The following SYK variants were observed in gnomAD, a reference collection of about 807,000 sequenced individuals.
SYK encodes tyrosine-protein kinase SYK.
A neutral mutation model predicts 77.8 loss-of-function variants in SYK; 16 were observed. The ratio of observed to expected loss-of-function variants is 0.21; its 90% CI spans 0.14 to 0.31. The LOEUF is 0.31. Among genes scored for constraint, SYK ranks in the 10% least tolerant of loss-of-function variants. SYK has a pLI of 1.00. For synonymous variants in SYK, 312 were observed against 308.7 expected, an observed-to-expected ratio of 1.01 and a Z score of -0.11; for missense variants, 529 against 814.4, an observed-to-expected ratio of 0.65 and a Z score of 4.26.
At chr9:90,822,331 C>T (rs1190233130) in intron 1 of SYK, among the ~76,000 whole-genome samples, 1 of 152,140 alleles carries the variant, frequency 6.6e-6, no homozygotes, top group African/African-American at 2.4e-5. Context: ...TGTGATGTGA[C>T]TGGCACTGTT....
chr9:90,840,313 C>T (rs531965892), intron 1 of SYK, among the ~76,000 whole-genome samples: 2 of 151,976 alleles, frequency 1.3e-5, no homozygotes, highest in South Asian at 2.1e-4. Flanking sequence ...CCCCAGGCCA[C>T]GTGGAAGTAT....
intron 13 of SYK, among the ~76,000 whole-genome samples, chr9:90,889,087 A>G (rs926797421): frequency 6.6e-6 from 1 of 152,184 alleles, no homozygotes; most frequent in African/African-American, 2.4e-5. Context: ...GCACTTCCCT[A>G]GAATCTACCT....
At chr9:90,825,119 C>CAA (rs148061358) in intron 1 of SYK, among the ~76,000 whole-genome samples, 2,245 of 93,308 alleles carry the variant, frequency 0.024, 61 homozygotes, top group African/African-American at 0.076. Context: ...ACCAAAAAGA[C>CAA]AAAAAAAAAA....
intron 1 of SYK, among the ~76,000 whole-genome samples, chr9:90,818,850 T>C (rs1056023037): frequency 1.3e-5 from 2 of 152,230 alleles, no homozygotes; most frequent in African/African-American, 4.8e-5. Context: ...TTAGGCTTCA[T>C]GGCCTTCTCT....
chr9:90,856,828 A>C (rs1827055837), intron 3 of SYK, among the ~76,000 whole-genome samples: 1 of 151,744 alleles, frequency 6.6e-6, no homozygotes, highest in African/African-American at 2.4e-5. Context: ...GATCTTTCTG[A>C]GCTTATGCCT....
chr9:90,856,836 C>A (rs1255590940), intron 3 of SYK, among the ~76,000 whole-genome samples: 1 of 152,148 alleles, frequency 6.6e-6, no homozygotes, highest in Non-Finnish European at 1.5e-5. Flanking sequence ...TGAGCTTATG[C>A]CTGATTGATA....
intron 1 of SYK, among the ~76,000 whole-genome samples, chr9:90,835,792 G>C (rs990554403): frequency 8.5e-5 from 13 of 152,148 alleles, no homozygotes; most frequent in Non-Finnish European, 1.3e-4. Flanking sequence ...GGCCCTGTTA[G>C]CCTCCATCTG....
chr9:90,814,296 C>T (rs1186313061), intron 1 of SYK, among the ~76,000 whole-genome samples: 1 of 152,190 alleles, frequency 6.6e-6, no homozygotes, highest in Non-Finnish European at 1.5e-5. Flanking sequence ...TCATGTTGGT[C>T]TCTGTCATCC....
intron 1 of SYK, among the ~76,000 whole-genome samples, chr9:90,803,518 T>C (rs978573892): frequency 1.3e-5 from 2 of 152,150 alleles, no homozygotes; most frequent in East Asian, 3.8e-4. Flanking sequence ...TCCTGAGAGA[T>C]GAAATTGGTA....
chr9:90,815,489 G>A (rs1433505210), intron 1 of SYK, among the ~76,000 whole-genome samples: 2 of 152,226 alleles, frequency 1.3e-5, no homozygotes, highest in Non-Finnish European at 2.9e-5. Context: ...AAGAGAAGTC[G>A]TTTTGAAGGG....
rs1564119930 is a variant in SYK at position 90,884,182 on chromosome 9, T to TATATACACGC, written c.1582-3559_1582-3558insGCATATACAC. On this transcript the variant is annotated intron_variant, in intron 11 of 13. Coordinates refer to ENST00000375754, the MANE Select transcript of SYK (RefSeq NM_003177.7). ...ATATACACACATACACATACGTGTA[T>TATATACACGC]ATATACACACATACACATACGTGTA... is the stretch of plus-strand genomic sequence containing the variant. Among the ~76,000 whole-genome samples the TATATACACGC allele has an allele frequency of 4.1e-5, 6 of 146,466 alleles. 1 individual carries two copies. The highest frequency in any genetic ancestry group is 7.9e-5 in the African/African-American group (3 of 38,214).
intron 13 of SYK, among the ~76,000 whole-genome samples, chr9:90,892,868 C>T (rs368144683): frequency 9.2e-5 from 14 of 152,196 alleles, no homozygotes; most frequent in African/African-American, 3.4e-4. Context: ...GCTCTAGATG[C>T]GGCTCAAATT....
chr9:90,821,878 A>G (rs1825530088), intron 1 of SYK, among the ~76,000 whole-genome samples: 1 of 152,126 alleles, frequency 6.6e-6, no homozygotes, highest in Admixed American at 6.5e-5. Flanking sequence ...CAGGGAAAAT[A>G]TGTGGGTTAG....
chr9:90,854,510 G>A (rs574353522), intron 3 of SYK, among the ~76,000 whole-genome samples: 2 of 152,134 alleles, frequency 1.3e-5, no homozygotes, highest in Admixed American at 6.5e-5. Context: ...TGGGCCTGAT[G>A]TACTCCACTC....
chr9:90,879,159 T>A (rs1405602399), intron 11 of SYK, among the ~76,000 whole-genome samples: 4 of 152,216 alleles, frequency 2.6e-5, no homozygotes, highest in African/African-American at 4.8e-5. Flanking sequence ...CTCAAAGTAG[T>A]ATATTCTAAA....
At chr9:90,887,205 A>G (rs1395460574) in intron 11 of SYK, among the ~76,000 whole-genome samples, 1 of 152,186 alleles carries the variant, frequency 6.6e-6, no homozygotes, top group Non-Finnish European at 1.5e-5. Flanking sequence ...TTCACTCAGC[A>G]TAATGTCCTC....
intron 10 of SYK, 40 bp from the exon 11 acceptor site, chr9:90,878,724 C>T: frequency 6.5e-7 from 1 of 1,542,560 alleles, no homozygotes; most frequent in Non-Finnish European, 8.9e-7. Flanking sequence ...TGAAATGGGT[C>T]ACTGTCTGTT....
At chr9:90,815,198 A>T (rs1825245438) in intron 1 of SYK, among the ~76,000 whole-genome samples, 2 of 152,250 alleles carry the variant, frequency 1.3e-5, no homozygotes, top group African/African-American at 4.8e-5. Context: ...TCACGAAGGC[A>T]AAACAAAAAA....
At chr9:90,830,431 G>A (rs1825838337) in intron 1 of SYK, among the ~76,000 whole-genome samples, 1 of 152,248 alleles carries the variant, frequency 6.6e-6, no homozygotes, top group South Asian at 2.1e-4. Context: ...GCCCTTTGCA[G>A]ATGAGTCAAA....
Sources: gnomAD v4.1 joint callset for allele counts (sites outside exome capture counted in the v4.1 genomes callset) on GRCh38, gnomAD v4.1.1 for gene constraint, MANE v1.5 for transcripts, NCBI Gene and HGNC (gene_info 2026-07-23, HGNC 2026-07-21) for gene names.